Variants in DCDC1 observed in about 807,000 individuals in gnomAD.
The protein encoded by DCDC1 is doublecortin domain-containing protein 1.
DCDC1 carries 200 observed loss-of-function variants against 178.3 expected under a neutral mutation model. That is an observed-to-expected ratio of 1.12 (90% CI 1.00 to 1.26). The LOEUF (loss-of-function observed/expected upper bound fraction) is 1.26, where lower values mean the gene tolerates loss of function less well. Ranked by LOEUF, DCDC1 falls within the 50% of genes most tolerant of loss-of-function variation. DCDC1 has a pLI of 0.00. For synonymous variants in DCDC1, 690 were observed against 604.8 expected (o/e 1.14, Z -2.07); for missense variants, 1,983 against 1,749.2 (o/e 1.13, Z -2.38).
At chr11:30,882,413 G>A (rs1942767235) in intron 36 of DCDC1, 1 of 151,644 alleles carries the variant, frequency 6.6e-6, no homozygotes, top group South Asian at 2.1e-4. Context: ...ACCAACAGGA[G>A]AGTAGTCTTT....
At chr11:31,305,362 ACCT>A (rs1230284272) in intron 6 of DCDC1, among the ~76,000 whole-genome samples, 2 of 152,128 alleles carry the variant, frequency 1.3e-5, no homozygotes, top group Non-Finnish European at 2.9e-5. Context: ...TCACCATTTA[ACCT>A]CCTGCAGGCT....
intron 9 of DCDC1, among the ~76,000 whole-genome samples, chr11:31,148,013 C>T (rs1964638634): frequency 6.6e-6 from 1 of 152,072 alleles, no homozygotes. Context: ...CACAGTTCCT[C>T]CAAAACTCAG....
chr11:31,142,335 A>G (rs989270178), intron 9 of DCDC1, among the ~76,000 whole-genome samples: 10 of 152,230 alleles, frequency 6.6e-5, no homozygotes, highest in Admixed American at 3.9e-4. Flanking sequence ...AATGAATCCA[A>G]AATCCAGGCA....
At chr11:31,138,913 G>A (rs970071135) in intron 9 of DCDC1, among the ~76,000 whole-genome samples, 22 of 152,032 alleles carry the variant, frequency 1.4e-4, no homozygotes, top group African/African-American at 5.3e-4. Flanking sequence ...CAGAGATTCC[G>A]TTTTGTTAGA....
chr11:30,898,970 C>G (rs1944445022), intron 34 of DCDC1, among the ~76,000 whole-genome samples: 1 of 152,042 alleles, frequency 6.6e-6, no homozygotes, highest in South Asian at 2.1e-4. Flanking sequence ...ACCTAAGATT[C>G]TGTGTTAAAG....
intron 20 of DCDC1, among the ~76,000 whole-genome samples, chr11:31,060,122 T>C (rs1337843027): frequency 3.3e-5 from 5 of 152,162 alleles, no homozygotes; most frequent in Admixed American, 6.6e-5. Flanking sequence ...CTTATAAAAA[T>C]TGACCAATGC....
intron 7 of DCDC1, among the ~76,000 whole-genome samples, chr11:31,278,217 ATT>A (rs1565538176): frequency 6.6e-6 from 1 of 152,076 alleles, no homozygotes; most frequent in African/African-American, 2.4e-5. Flanking sequence ...TGAACTCTCC[ATT>A]TTGTTTCTTT....
chr11:31,138,874 C>A (rs1254923531), intron 9 of DCDC1, among the ~76,000 whole-genome samples: 2 of 152,116 alleles, frequency 1.3e-5, no homozygotes, highest in Non-Finnish European at 2.9e-5. Context: ...GACACTTCAT[C>A]TGATGATATG....
At chr11:30,942,830 C>A (rs760920308) in intron 21 of DCDC1, among the ~76,000 whole-genome samples, 4 of 152,184 alleles carry the variant, frequency 2.6e-5, no homozygotes, top group Non-Finnish European at 5.9e-5. Flanking sequence ...CACAGAAACC[C>A]AATTAAATGA....
At chr11:31,305,579 T>C (rs894088642) in intron 6 of DCDC1, 36 bp downstream of exon 6, 2 of 1,603,722 alleles carry the variant, frequency 1.2e-6, no homozygotes, top group South Asian at 1.1e-5. Flanking sequence ...CAATTCAGTA[T>C]GTGTGGGGGT....
At chr11:31,302,153 C>T (rs1301834054) in intron 6 of DCDC1, among the ~76,000 whole-genome samples, 4 of 152,098 alleles carry the variant, frequency 2.6e-5, no homozygotes, top group Non-Finnish European at 5.9e-5. Flanking sequence ...TTGGACCTAA[C>T]GAATTAGGTC....
chr11:31,071,766 C>T lies in DCDC1; in HGVS notation c.2298+6099G>A, dbSNP rs289086. On this transcript the variant is annotated intron_variant, in intron 18 of 38. Coordinates refer to ENST00000684477, the MANE Select transcript of DCDC1 (RefSeq NM_001387274.1). ...AAGGGGCACTTCAGCTTCTGTTTTG[C>T]TCTTTTGTTCTCTCTCACTCTTTTG... 2.4e-3 allele frequency among the ~76,000 whole-genome samples: 367 copies of T among 152,252 alleles called. 2 individuals carry two copies. The highest frequency in any genetic ancestry group is 8.1e-3 in the African/African-American group (338 of 41,550).
At chr11:31,069,663 A>G (rs952503833) in intron 18 of DCDC1, among the ~76,000 whole-genome samples, 3 of 152,222 alleles carry the variant, frequency 2.0e-5, no homozygotes, top group Non-Finnish European at 4.4e-5. Flanking sequence ...AAGTAACAGC[A>G]GCATGGCTCA....
chr11:31,030,441 G>A (rs1438716216), intron 20 of DCDC1, among the ~76,000 whole-genome samples: 7 of 152,112 alleles, frequency 4.6e-5, no homozygotes, highest in Non-Finnish European at 1.0e-4. Flanking sequence ...TGAAGGGGGA[G>A]GGAAGGATTG....
At chr11:31,041,048 G>A (rs550301748) in intron 20 of DCDC1, among the ~76,000 whole-genome samples, 8 of 152,164 alleles carry the variant, frequency 5.3e-5, no homozygotes, top group Non-Finnish European at 8.8e-5. Context: ...ATATATTAAG[G>A]GTATTTATGC....
At position 30,902,190 on chromosome 11, in the gene DCDC1, G is replaced by A. The variant is rs542943276; in HGVS notation, c.4510+1292C>T. On this transcript the variant is annotated intron_variant, in intron 32 of 38. Transcript: ENST00000684477. ...TTATGAGAGATAGAGACTTTAAGAG[G>A]TGATTAGGTCATAAGGGCTTCTCTT... 6.6e-5 allele frequency among the ~76,000 whole-genome samples: 10 copies of A among 152,204 alleles called. No individual in the cohort carries two copies. In the South Asian group the frequency reaches 2.1e-3, roughly 32 times the overall value.
intron 38 of DCDC1, among the ~76,000 whole-genome samples, chr11:30,875,890 G>C (rs1942072543): frequency 6.6e-6 from 1 of 152,150 alleles, no homozygotes; most frequent in African/African-American, 2.4e-5. Context: ...CAGATAAAAT[G>C]CTTCTTATTT....
intron 20 of DCDC1, among the ~76,000 whole-genome samples, chr11:31,010,658 A>G (rs1952117700): frequency 2.0e-5 from 3 of 152,194 alleles, no homozygotes; most frequent in Admixed American, 2.0e-4. Flanking sequence ...GACCTCATTA[A>G]AGGTCACTTT....
intron 20 of DCDC1, among the ~76,000 whole-genome samples, chr11:31,001,336 C>T (rs563377036): frequency 6.6e-6 from 1 of 152,072 alleles, no homozygotes; most frequent in African/African-American, 2.4e-5. Context: ...GTCACTTTAC[C>T]TTCAAAACAT....
Sources: allele counts gnomAD v4.1 joint callset (sites outside exome capture counted in the v4.1 genomes callset), GRCh38; gene constraint gnomAD v4.1.1; transcripts MANE v1.5; gene names NCBI Gene and HGNC (gene_info 2026-07-23, HGNC 2026-07-21).